Variants in OR5AS1 observed in about 807,000 individuals in gnomAD.
OR5AS1 encodes olfactory receptor 5AS1.
For missense variants in OR5AS1, 492 were observed against 378.2 expected, an observed-to-expected ratio of 1.30 and a Z score of -2.50; for synonymous variants, 196 against 141.7, an observed-to-expected ratio of 1.38 and a Z score of -2.72.
In OR5AS1 at chr11:56,027,796, A is replaced by G. The variant is rs1018370525; in HGVS notation, c.-29+84A>G. On this transcript the variant is annotated intron_variant, in intron 1 of 1. Coordinates refer to ENST00000641320, the MANE Select transcript of OR5AS1 (RefSeq NM_001001921.2). ...CATGAATTTGCCTCAGATAAAATGT[A>G]TCTCTGCTATTTCTGTGTGTGTGTG... 3.6e-5 allele frequency: 5 copies of G among 140,046 alleles called. No homozygotes were observed. In the South Asian group the frequency reaches 8.9e-4, roughly 25 times the overall value. The allele number at this position is 140,046 out of a possible 1,614,324, so 8.7% of individuals were successfully genotyped here. A position where few individuals can be genotyped will look rare whatever the true frequency, so the allele number is the denominator to read the frequency against.
chr11:56,029,518 C>T (rs1459331752), intron 1 of OR5AS1, among the ~76,000 whole-genome samples: 1 of 132,064 alleles, frequency 7.6e-6, no homozygotes, highest in Admixed American at 7.6e-5. Flanking sequence ...CCAAACAATA[C>T]ATTTGTATAT....
rs750870477 is a variant in OR5AS1, at chr11:56,030,888, T to C, written c.470T>C (p.Leu157Pro). ...LAYFSGSTTS[L>P]VHVCLTFRLS... ...TATTTCAGTGGAAGTACAACATCAC[T>C]GGTCCATGTGTGCCTCACATTCAGG... The change falls in exon 2 of 2, where the codon CTG becomes CCG. Residue 157 changes from leucine (L) to proline (P), a missense_variant. Physicochemically the swap from Leu to Pro is moderately conservative, Grantham distance 98. Coordinates refer to ENST00000641320, the MANE Select transcript of OR5AS1 (RefSeq NM_001001921.2). 1.1e-5 allele frequency: 17 copies of C among 1,614,014 alleles called. No homozygotes were observed. Among genetic ancestry groups the C allele is most frequent in the Admixed American group, 3.3e-5 (2 of 60,010 alleles).
At chr11:56,029,913 G>A (rs970128192) in intron 1 of OR5AS1, among the ~76,000 whole-genome samples, 5 of 152,056 alleles carry the variant, frequency 3.3e-5, no homozygotes, top group African/African-American at 4.8e-5. Context: ...ACCACGTTAA[G>A]TAACCTCCCA....
Position 56,035,794 on chromosome 11 carries a change from C to A in OR5AS1, c.*4401C>A, listed in dbSNP as rs556213545. ...CTCTGGACCAAGCAGACCTAATAGA[C>A]CTCTACAGAACTCTACACCCCAAAT... On this transcript the variant is annotated 3_prime_UTR_variant, in exon 2 of 2. Coordinates refer to ENST00000641320, the MANE Select transcript of OR5AS1 (RefSeq NM_001001921.2). The A allele has an allele frequency of 3.9e-5, 6 of 152,182 alleles. No homozygotes were observed. Among genetic ancestry groups the A allele is most frequent in the African/African-American group, 1.2e-4 (5 of 41,482 alleles). The allele number at this position is 152,182 out of a possible 1,614,324, so 9.4% of individuals were successfully genotyped here. A position where few individuals can be genotyped will look rare whatever the true frequency, so the allele number is the denominator to read the frequency against.
chr11:56,031,066 T>C lies in OR5AS1; in HGVS notation c.648T>C (p.Ile216=), dbSNP rs779675505. 1 of 1,614,106 alleles carries C rather than the reference T, an allele frequency of 6.2e-7. No individual in the cohort carries two copies. The highest frequency in any genetic ancestry group is 1.7e-5 in the Admixed American group (1 of 60,016). The change falls in exon 2 of 2, where the codon ATT becomes ATC. Residue 216 remains isoleucine (I), a synonymous_variant. Coordinates refer to ENST00000641320, the MANE Select transcript of OR5AS1 (RefSeq NM_001001921.2). ...IQTSTFVVIF[I]SYFCILITVL... is the part of the protein sequence containing the mutation. ...CCAGCACTTTTGTGGTAATATTTAT[T>C]TCTTACTTCTGCATCCTCATCACTG...
At chr11:56,028,384 T>C (rs1215432116) in intron 1 of OR5AS1, among the ~76,000 whole-genome samples, 1 of 152,082 alleles carries the variant, frequency 6.6e-6, no homozygotes, top group African/African-American at 2.4e-5. Context: ...TTTATACTCA[T>C]TTGCCTAACT....
Position 56,030,805 on chromosome 11 carries a change from A to T in OR5AS1, c.387A>T (p.Pro129=). 1 of 1,613,960 alleles carries T rather than the reference A, an allele frequency of 6.2e-7. No individual in the cohort carries two copies. Among genetic ancestry groups the T allele is most frequent in the Non-Finnish European group, 8.5e-7 (1 of 1,179,966 alleles). Residue 129 remains proline, a synonymous_variant, in exon 2 of 2, where the codon CCA becomes CCT. Transcript: ENST00000641320. ...ACCGCTATGCAGCCATCTGCAACCC[A>T]CTGCTCTATACTACACTGATGTCTA... The part of the protein sequence containing the change: ...AYDRYAAICN[P]LLYTTLMSRR...
At position 56,035,921 on chromosome 11, in the gene OR5AS1, A is replaced by C. The variant is rs1853399824; in HGVS notation, c.*4528A>C. Reference sequence around the variant, plus strand: ...CCTCAGCAAATGCAAAACAATGGAAATCATAACAGTCTCTCAGACCACAGT... The same window carrying C: ...CCTCAGCAAATGCAAAACAATGGAACTCATAACAGTCTCTCAGACCACAGT... On this transcript the variant is annotated 3_prime_UTR_variant, in exon 2 of 2. Transcript: ENST00000641320. 6.6e-6 allele frequency: 1 copy of C among 152,024 alleles called. No individual in the cohort carries two copies. The highest frequency in any genetic ancestry group is 1.5e-5 in the Non-Finnish European group (1 of 67,976). The allele number at this position is 152,024 out of a possible 1,614,324, so 9.4% of individuals were successfully genotyped here.
At position 56,033,019 on chromosome 11, in the gene OR5AS1, A is replaced by C. The variant is rs2512949; in HGVS notation, c.*1626A>C. ...GTGTTGCTTCACCCGGGAAGCACAA[A>C]GGGTTGGCAAACTCCCTCCACTAGC... On this transcript the variant is annotated 3_prime_UTR_variant, in exon 2 of 2. Coordinates refer to ENST00000641320, the MANE Select transcript of OR5AS1 (RefSeq NM_001001921.2). 6.5e-6 allele frequency: 1 copy of C among 152,736 alleles called. No homozygotes were observed. The highest frequency in any genetic ancestry group is 1.5e-5 in the Non-Finnish European group (1 of 68,624). 9.5% of individuals were successfully genotyped at this position (152,736 alleles called of 1,614,324 possible). A position where few individuals can be genotyped will look rare whatever the true frequency, so the allele number is the denominator to read the frequency against.
At position 56,033,814 on chromosome 11, in the gene OR5AS1, C is replaced by CT. The variant is rs146392978; in HGVS notation, c.*2421_*2422insT. On this transcript the variant is annotated 3_prime_UTR_variant, in exon 2 of 2. Coordinates refer to ENST00000641320, the MANE Select transcript of OR5AS1 (RefSeq NM_001001921.2). ...TCCTGCATCAAGTGGGTCCTTGACC[C>CT]CGTGACTCTTGACTGGGAGACACCT... 0.06 allele frequency: 9,166 copies of CT among 152,296 alleles called. 380 individuals carry two copies. Among genetic ancestry groups the CT allele is most frequent in the Non-Finnish European group, 0.084 (5,732 of 68,116 alleles). 9.4% of individuals were successfully genotyped at this position (152,296 alleles called of 1,614,324 possible).
rs1337696981 is a variant in OR5AS1, at chr11:56,031,253, A to C, written c.835A>C (p.Thr279Pro). 6 of 1,613,766 alleles carry C rather than the reference A, an allele frequency of 3.7e-6. No homozygotes were observed. The highest frequency in any genetic ancestry group is 4.2e-6 in the Non-Finnish European group (5 of 1,179,826). ...DTDKVVAVFYTVVFPMFNPII... is the reference protein window; with the variant it reads ...DTDKVVAVFYPVVFPMFNPII... ...TGATAAGGTGGTGGCAGTGTTTTAT[A>C]CTGTTGTATTTCCCATGTTTAATCC... Residue 279 changes from threonine to proline, a missense_variant, in exon 2 of 2, where the codon ACT (threonine) becomes CCT (proline). Coordinates refer to ENST00000641320, the MANE Select transcript of OR5AS1 (RefSeq NM_001001921.2).
In OR5AS1 at chr11:56,037,515, A is replaced by G. The variant is rs1374788435; in HGVS notation, c.*6122A>G. On this transcript the variant is annotated 3_prime_UTR_variant, in exon 2 of 2. Transcript: ENST00000641320. Reference sequence around the variant, plus strand: ...GAATGAACTGCCATTCACAATTGCTACAAAAGAGTGTAAAATACCTAGAAA... The same window carrying G: ...GAATGAACTGCCATTCACAATTGCTGCAAAAGAGTGTAAAATACCTAGAAA... The G allele has an allele frequency of 6.6e-6, 1 of 152,080 alleles. No individual in the cohort carries two copies. The highest frequency in any genetic ancestry group is 2.4e-5 in the African/African-American group (1 of 41,366). 9.4% of individuals were successfully genotyped at this position (152,080 alleles called of 1,614,324 possible).
Position 56,030,685 on chromosome 11 carries a change from G to C in OR5AS1, c.267G>C (p.Arg89Ser). The C allele has an allele frequency of 1.3e-6, 2 of 1,593,906 alleles. No individual in the cohort carries two copies. The highest frequency in any genetic ancestry group is 2.2e-5 in the South Asian group (2 of 88,988). The change falls in exon 2 of 2, where the codon AGG becomes AGC. Residue 89 changes from arginine (R) to serine (S), a missense_variant. Physicochemically the swap from Arg to Ser is moderately radical, Grantham distance 110. Coordinates refer to ENST00000641320, the MANE Select transcript of OR5AS1 (RefSeq NM_001001921.2). ...PKMLANFLAS[R>S]KSISPYGCAL... is the part of the protein sequence containing the mutation. ...TGCTGGCAAACTTCTTGGCATCCAG[G>C]AAAAGCATCTCTCCTTATGGGTGTG...
In OR5AS1 at chr11:56,032,396, A is replaced by ATTTTGATAATTAAATTATCAGATT. The variant is rs1853360331; in HGVS notation, c.*1009_*1032dup. ...ATAAACAATTTTTACTCTGTAATCG[A>ATTTTGATAATTAAATTATCAGATT]TTTTGATAATTAAATTATCAGATTT... On this transcript the variant is annotated 3_prime_UTR_variant, in exon 2 of 2. Transcript: ENST00000641320. 6.6e-6 allele frequency: 1 copy of ATTTTGATAATTAAATTATCAGATT among 152,092 alleles called. No individual in the cohort carries two copies. The highest frequency in any genetic ancestry group is 1.9e-4 in the East Asian group (1 of 5,194). The allele number at this position is 152,092 out of a possible 1,614,324, so 9.4% of individuals were successfully genotyped here.
Position 56,031,813 on chromosome 11 carries a change from C to T in OR5AS1, c.*420C>T, listed in dbSNP as rs1307484090. ...TTTAGGCCATTTATGCATAGAGTTCCATTATTGGAACACTAAGCATCCTAC... is the reference window on the plus strand; with the variant it reads ...TTTAGGCCATTTATGCATAGAGTTCTATTATTGGAACACTAAGCATCCTAC... On this transcript the variant is annotated 3_prime_UTR_variant, in exon 2 of 2. Coordinates refer to ENST00000641320, the MANE Select transcript of OR5AS1 (RefSeq NM_001001921.2). The T allele has an allele frequency of 6.4e-6, 1 of 155,154 alleles. No individual in the cohort carries two copies. The highest frequency in any genetic ancestry group is 2.4e-5 in the African/African-American group (1 of 41,396). 9.6% of individuals were successfully genotyped at this position (155,154 alleles called of 1,614,324 possible).
Position 56,033,952 on chromosome 11 carries a change from C to T in OR5AS1, c.*2559C>T, listed in dbSNP as rs1853378027. ...GGAACGGGCAGCAATCTTTACTGTT[C>T]TGCAGCCTTCGCAGGCAAACAGGGT... On this transcript the variant is annotated 3_prime_UTR_variant, in exon 2 of 2. Transcript: ENST00000641320. 1 of 152,284 alleles carries T rather than the reference C, an allele frequency of 6.6e-6. No homozygotes were observed. Among genetic ancestry groups the T allele is most frequent in the Non-Finnish European group, 1.5e-5 (1 of 68,196 alleles). 9.4% of individuals were successfully genotyped at this position (152,284 alleles called of 1,614,324 possible). A position where few individuals can be genotyped will look rare whatever the true frequency, so the allele number is the denominator to read the frequency against.
rs1286945327 is a variant in OR5AS1, at chr11:56,035,967, G to A, written c.*4574G>A. ...ACAGTGCAATCAAATTAGAACTCAGGATTAAGAAACTCACTCAAAACCACA... is the reference window on the plus strand; with the variant it reads ...ACAGTGCAATCAAATTAGAACTCAGAATTAAGAAACTCACTCAAAACCACA... On this transcript the variant is annotated 3_prime_UTR_variant, in exon 2 of 2. Coordinates refer to ENST00000641320, the MANE Select transcript of OR5AS1 (RefSeq NM_001001921.2). The A allele has an allele frequency of 6.6e-6, 1 of 152,076 alleles. No homozygotes were observed. The highest frequency in any genetic ancestry group is 1.9e-4 in the East Asian group (1 of 5,202). 9.4% of individuals were successfully genotyped at this position (152,076 alleles called of 1,614,324 possible).
At chr11:56,029,530 G>GCACA (rs147093456) in intron 1 of OR5AS1, among the ~76,000 whole-genome samples, 8,581 of 149,214 alleles carry the variant, frequency 0.058, 362 homozygotes, top group Non-Finnish European at 0.084. Context: ...TTTGTATATA[G>GCACA]CACACACACA....
At chr11:56,029,513 C>G (rs1430485541) in intron 1 of OR5AS1, among the ~76,000 whole-genome samples, 1 of 141,232 alleles carries the variant, frequency 7.1e-6, no homozygotes, top group Non-Finnish European at 1.6e-5. Flanking sequence ...GTATGCCAAA[C>G]AATACATTTG....
Sources: gnomAD v4.1 joint callset for allele counts (sites outside exome capture counted in the v4.1 genomes callset) on GRCh38, gnomAD v4.1.1 for gene constraint, MANE v1.5 for transcripts, NCBI Gene and HGNC (gene_info 2026-07-23, HGNC 2026-07-21) for gene names.